INPP5B: variants seen among roughly 807,000 people sequenced by gnomAD.
INPP5B encodes the protein type II inositol 1,4,5-trisphosphate 5-phosphatase.
In INPP5B, 90 loss-of-function variants were observed where a neutral mutation model predicts 118.5. The ratio of observed to expected loss-of-function variants is 0.76; its 90% CI spans 0.64 to 0.90. The LOEUF (loss-of-function observed/expected upper bound fraction) is 0.90, where lower values mean the gene tolerates loss of function less well. Among genes scored for constraint, INPP5B ranks in the 40% least tolerant of loss-of-function variants. The probability of loss-of-function intolerance (pLI) is 0.00; values close to 1 mark genes in which losing one functional copy is unlikely to be tolerated. For synonymous variants in INPP5B, 385 were observed against 418.9 expected, an observed-to-expected ratio of 0.92 and a Z score of 0.99; for missense variants, 984 against 1,125.6, an observed-to-expected ratio of 0.87 and a Z score of 1.80.
chr1:37,862,437 GA>G lies in INPP5B; in HGVS notation c.2627-8del. ...AAGCTGCCAAATATGCTAGCTGCAA[GA>G]AAAAACACAGAAAAGAAATGATTCA... On this transcript the variant is annotated splice_region_variant and splice_polypyrimidine_tract_variant and intron_variant, in intron 23 of 23. Coordinates refer to ENST00000373024, the MANE Select transcript of INPP5B (RefSeq NM_005540.3). 3.8e-6 allele frequency: 6 copies of G among 1,562,690 alleles called. No individual in the cohort carries two copies. The highest frequency in any genetic ancestry group is 5.3e-6 in the Non-Finnish European group (6 of 1,133,954).
chr1:37,923,472 A>G (rs1450688788), intron 7 of INPP5B, among the ~76,000 whole-genome samples: 1 of 152,162 alleles, frequency 6.6e-6, no homozygotes, highest in Non-Finnish European at 1.5e-5. Flanking sequence ...TACAATATTG[A>G]AGTTCACATA....
At chr1:37,897,806 C>A (rs1164374761) in intron 7 of INPP5B, among the ~76,000 whole-genome samples, 1 of 151,954 alleles carries the variant, frequency 6.6e-6, no homozygotes, top group Non-Finnish European at 1.5e-5. Flanking sequence ...AGTAGTGGCA[C>A]ATGCCCATAG....
chr1:37,879,858 C>A (rs1643086575), intron 15 of INPP5B, among the ~76,000 whole-genome samples: 1 of 152,122 alleles, frequency 6.6e-6, no homozygotes, highest in South Asian at 2.1e-4. Flanking sequence ...AAAAAGTAAA[C>A]CAGTATTAAA....
intron 7 of INPP5B, among the ~76,000 whole-genome samples, chr1:37,902,734 T>G (rs1276242930): frequency 6.6e-6 from 1 of 152,062 alleles, no homozygotes; most frequent in Non-Finnish European, 1.5e-5. Flanking sequence ...ATTTTTGTAT[T>G]TTTAGTAGAG....
At chr1:37,927,773 G>C (rs1050244528) in intron 7 of INPP5B, among the ~76,000 whole-genome samples, 3 of 151,956 alleles carry the variant, frequency 2.0e-5, no homozygotes, top group Admixed American at 2.0e-4. Flanking sequence ...TCCTGACCTC[G>C]TGATCCGCCC....
intron 7 of INPP5B, among the ~76,000 whole-genome samples, chr1:37,913,886 AAAATAGCCTTAACTG>A (rs1361084906): frequency 6.6e-6 from 1 of 152,186 alleles, no homozygotes; most frequent in Non-Finnish European, 1.5e-5. Context: ...AAAAGAACTG[AAAATAGCCTTAACTG>A]ATGACATTCT....
At chr1:37,896,407 G>A (rs1307047389) in intron 7 of INPP5B, among the ~76,000 whole-genome samples, 3 of 151,098 alleles carry the variant, frequency 2.0e-5, no homozygotes, top group Admixed American at 1.3e-4. Context: ...CAGCCACCTC[G>A]TCCGGGAGGG....
chr1:37,893,095 T>C (rs1277442939), intron 7 of INPP5B, among the ~76,000 whole-genome samples: 1 of 78,982 alleles, frequency 1.3e-5, no homozygotes, highest in East Asian at 3.8e-4. Flanking sequence ...CTTTTTTTTT[T>C]TTTTTTTTTT....
rs1243746836 is a variant in INPP5B, at chr1:37,897,281, T to C, written c.533-5827A>G. Among the ~76,000 whole-genome samples, 6 of 148,118 alleles carry C rather than the reference T, an allele frequency of 4.1e-5. No homozygotes were observed. The East Asian group carries it at 1.2e-3, about 30-fold the overall frequency. ...GGCCATGATGACAATGGCGGTTTTGTGGAATAGAAAGGGGGGGAAGGTGGG... is the reference window on the plus strand; with the variant it reads ...GGCCATGATGACAATGGCGGTTTTGCGGAATAGAAAGGGGGGGAAGGTGGG... On this transcript the variant is annotated intron_variant, in intron 7 of 23. Transcript: ENST00000373024.
chr1:37,941,167 A>G (rs1645894082), intron 5 of INPP5B, among the ~76,000 whole-genome samples: 2 of 152,158 alleles, frequency 1.3e-5, no homozygotes, highest in South Asian at 4.1e-4. Flanking sequence ...CTACCTGACT[A>G]TGCCAGGTAG....
In INPP5B at chr1:37,940,135, G is replaced by C. The variant is rs147085879; in HGVS notation, c.391+553C>G. Among the ~76,000 whole-genome samples, 225 of 152,222 alleles carry C rather than the reference G, an allele frequency of 1.5e-3. 2 individuals are homozygous for C. Among genetic ancestry groups the C allele is most frequent in the African/African-American group, 5.1e-3 (211 of 41,550 alleles). ...CCCCAGCACCTGTTGGCTTGAATTTGCATGTTCTATGACTAATCCTCTGCT... is the reference window on the plus strand; with the variant it reads ...CCCCAGCACCTGTTGGCTTGAATTTCCATGTTCTATGACTAATCCTCTGCT... On this transcript the variant is annotated intron_variant, in intron 6 of 23. Coordinates refer to ENST00000373024, the MANE Select transcript of INPP5B (RefSeq NM_005540.3).
intron 5 of INPP5B, among the ~76,000 whole-genome samples, chr1:37,943,355 G>C (rs559199742): frequency 6.6e-6 from 1 of 152,268 alleles, no homozygotes; most frequent in East Asian, 1.9e-4. Context: ...CCTGAAGGCT[G>C]AGTAGGAGTT....
intron 22 of INPP5B, 135 bp downstream of exon 22, chr1:37,865,626 G>T: frequency 1.0e-6 from 1 of 954,726 alleles, no homozygotes; most frequent in South Asian, 1.6e-5. Context: ...AGACATAAGA[G>T]AAAGAGCAGG....
chr1:37,915,128 C>G (rs1570277151), intron 7 of INPP5B, among the ~76,000 whole-genome samples: 1 of 152,284 alleles, frequency 6.6e-6, no homozygotes, highest in East Asian at 1.9e-4. Flanking sequence ...CCAAAACTCT[C>G]ACATGCCTCA....
At chr1:37,942,096 T>C (rs1645951321) in intron 5 of INPP5B, 1 of 149,538 alleles carries the variant, frequency 6.7e-6, no homozygotes, top group African/African-American at 2.5e-5. Context: ...GTCCATAAAA[T>C]GGAGATGCAA....
rs575648609 is a variant in INPP5B, at chr1:37,883,487, T to C, written c.1320-569A>G. Reference sequence around the variant, plus strand: ...AGGTGTTTGATTCCTTCTGCTGCTTTGGGAAAAAGCTAACTGAAGGCTCCC... The same window carrying C: ...AGGTGTTTGATTCCTTCTGCTGCTTCGGGAAAAAGCTAACTGAAGGCTCCC... On this transcript the variant is annotated intron_variant, in intron 13 of 23. Coordinates refer to ENST00000373024, the MANE Select transcript of INPP5B (RefSeq NM_005540.3). 4 of 985,396 alleles carry C rather than the reference T, an allele frequency of 4.1e-6. No individual in the cohort carries two copies. The South Asian group carries it at 1.9e-4, about 46-fold the overall frequency. The allele number at this position is 985,396 out of a possible 1,614,324, so 61.0% of individuals were successfully genotyped here. A position where few individuals can be genotyped will look rare whatever the true frequency, so the allele number is the denominator to read the frequency against.
Position 37,862,379 on chromosome 1 carries a change from AG to A in INPP5B, c.2677del (p.Asp894IlefsTer2). ...AGCCTTCTTCTTCTCTGTCATATCA[AG>A]CTTTTGGTGACCAGCTGGGTTTCGA... Reference protein sequence around the residue: ...LLRNPAGHQKLDMTEKKKAQE... With the variant: ...LLRNPAGHQKXDMTEKKKAQE... On this transcript the variant is annotated frameshift_variant, in exon 24 of 24. Coordinates refer to ENST00000373024, the MANE Select transcript of INPP5B (RefSeq NM_005540.3). LOFTEE classifies it high-confidence loss of function. The A allele has an allele frequency of 1.9e-6, 3 of 1,614,064 alleles. No individual in the cohort carries two copies. The highest frequency in any genetic ancestry group is 2.5e-6 in the Non-Finnish European group (3 of 1,179,932).
intron 20 of INPP5B, among the ~76,000 whole-genome samples, chr1:37,868,165 T>C (rs1264886973): frequency 6.6e-6 from 1 of 151,886 alleles, no homozygotes; most frequent in Non-Finnish European, 1.5e-5. Flanking sequence ...ATACAAAAAT[T>C]AGCCAGGCAT....
At chr1:37,941,034 G>T (rs1287592839) in intron 5 of INPP5B, among the ~76,000 whole-genome samples, 1 of 152,048 alleles carries the variant, frequency 6.6e-6, no homozygotes, top group Non-Finnish European at 1.5e-5. Context: ...AAGTCAGTAA[G>T]CCTCAACTGC....
Sources: gnomAD v4.1 joint callset for allele counts (sites outside exome capture counted in the v4.1 genomes callset) on GRCh38, gnomAD v4.1.1 for gene constraint, MANE v1.5 for transcripts, NCBI Gene and HGNC (gene_info 2026-07-23, HGNC 2026-07-21) for gene names.